FREM2: variants seen among roughly 807,000 people sequenced by gnomAD.
FREM2 encodes FRAS1-related extracellular matrix protein 2.
A neutral mutation model predicts 219.9 loss-of-function variants in FREM2; 119 were observed. The observed-to-expected ratio is 0.54, with a 90% CI of 0.47 to 0.63. The LOEUF is 0.63. Among genes scored for constraint, FREM2 ranks in the 30% least tolerant of loss-of-function variants. FREM2 has a pLI of 0.00. For synonymous variants in FREM2, 1,562 were observed against 1,522.8 expected, an observed-to-expected ratio of 1.03 and a Z score of -0.60; for missense variants, 4,030 against 3,993.6, an observed-to-expected ratio of 1.01 and a Z score of -0.25.
chr13:38,800,652 CAG>C (rs1423079114), intron 6 of FREM2, among the ~76,000 whole-genome samples: 2 of 152,122 alleles, frequency 1.3e-5, no homozygotes, highest in African/African-American at 2.4e-5. Context: ...GTTTTTGAGA[CAG>C]AGTCTCACTT....
intron 6 of FREM2, among the ~76,000 whole-genome samples, chr13:38,816,391 A>G (rs900593949): frequency 1.3e-5 from 2 of 152,224 alleles, no homozygotes; most frequent in Non-Finnish European, 2.9e-5. Context: ...ACTGTGGTCA[A>G]GTGGAGTTTA....
chr13:38,869,080 G>A (rs951847231), intron 16 of FREM2, among the ~76,000 whole-genome samples: 2 of 152,258 alleles, frequency 1.3e-5, no homozygotes, highest in African/African-American at 4.8e-5. Flanking sequence ...CTCAGCTCAA[G>A]GTAATCACTG....
At chr13:38,736,347 G>A (rs114649932) in intron 2 of FREM2, among the ~76,000 whole-genome samples, 38 of 152,234 alleles carry the variant, frequency 2.5e-4, no homozygotes, top group African/African-American at 8.2e-4. Context: ...AGAGGCTTAC[G>A]TATGAAGGGA....
chr13:38,829,476 T>C (rs1454211339), intron 6 of FREM2, among the ~76,000 whole-genome samples: 2 of 152,080 alleles, frequency 1.3e-5, no homozygotes, highest in Non-Finnish European at 2.9e-5. Flanking sequence ...CTATTTATCA[T>C]TATTTCTCAT....
At chr13:38,872,719 T>C (rs754778651) in intron 16 of FREM2, 23 bp from the exon 17 acceptor site, 9 of 1,604,774 alleles carry the variant, frequency 5.6e-6, no homozygotes, top group East Asian at 4.5e-5. Flanking sequence ...GTCATGTTGA[T>C]TGATGTAATT....
In FREM2 at chr13:38,689,877, C is replaced by G; in HGVS notation, c.2533C>G (p.His845Asp). 1 of 1,614,134 alleles carries G rather than the reference C, an allele frequency of 6.2e-7. No individual in the cohort carries two copies. The highest frequency in any genetic ancestry group is 8.5e-7 in the Non-Finnish European group (1 of 1,180,028). Reference sequence around the variant, plus strand: ...CTTCACTATTCAGGAGAAGGGTCACCACATCCTGAGTGAGACAGAGTTGCA... The same window carrying G: ...CTTCACTATTCAGGAGAAGGGTCACGACATCCTGAGTGAGACAGAGTTGCA... Reference protein sequence around the residue: ...TGFTIQEKGHHILSETELHVN... With the variant: ...TGFTIQEKGHDILSETELHVN... Residue 845 changes from histidine to aspartate, a missense_variant, in exon 1 of 24, where the codon CAC becomes GAC. Around this residue, in one of 2 missense-constraint regions of FREM2, gnomAD observed 3,102 missense variants for 2,950.7 expected, o/e 1.05. Transcript: ENST00000280481.
intron 4 of FREM2, among the ~76,000 whole-genome samples, chr13:38,772,546 T>C (rs1313561184): frequency 6.6e-6 from 1 of 152,222 alleles, no homozygotes; most frequent in Non-Finnish European, 1.5e-5. Context: ...TAGCACATTA[T>C]ATACGTTCTC....
chr13:38,752,163 G>A (rs879598757), intron 2 of FREM2, among the ~76,000 whole-genome samples: 16 of 152,052 alleles, frequency 1.1e-4, no homozygotes, highest in South Asian at 6.2e-4. Flanking sequence ...CTTTGTCCCT[G>A]TCTCTGTCTG....
At position 38,729,938 on chromosome 13, in the gene FREM2, T is replaced by C. The variant is rs1030109133; in HGVS notation, c.5263+32151T>C. 7.2e-5 allele frequency among the ~76,000 whole-genome samples: 11 copies of C among 152,322 alleles called. No individual in the cohort carries two copies. In the East Asian group the frequency reaches 1.2e-3, roughly 16 times the overall value. On this transcript the variant is annotated intron_variant, in intron 2 of 23. Coordinates refer to ENST00000280481, the MANE Select transcript of FREM2 (RefSeq NM_207361.6). ...TTTTTAAAAAATAAGACAGAAACAA[T>C]AGTCAGAATAAAGCTACACTCTATG...
At chr13:38,773,675 C>T (rs925194383) in intron 4 of FREM2, among the ~76,000 whole-genome samples, 1 of 152,104 alleles carries the variant, frequency 6.6e-6, no homozygotes, top group Non-Finnish European at 1.5e-5. Context: ...AAGTGGTCCT[C>T]CTTGGCCTCC....
intron 1 of FREM2, among the ~76,000 whole-genome samples, chr13:38,694,395 G>A (rs1427073771): frequency 6.6e-6 from 1 of 152,154 alleles, no homozygotes; most frequent in African/African-American, 2.4e-5. Flanking sequence ...ATTCAAACAA[G>A]TCAAGGCTAG....
intron 2 of FREM2, among the ~76,000 whole-genome samples, chr13:38,741,381 A>G (rs973493677): frequency 1.3e-5 from 2 of 152,222 alleles, no homozygotes; most frequent in African/African-American, 4.8e-5. Context: ...TATATCCAGC[A>G]AGTCACAAAC....
At chr13:38,833,324 G>A (rs906187400) in intron 6 of FREM2, among the ~76,000 whole-genome samples, 2 of 151,856 alleles carry the variant, frequency 1.3e-5, no homozygotes, top group South Asian at 4.2e-4. Flanking sequence ...TGATACATTT[G>A]GGCTTTTTAT....
chr13:38,740,379 T>C (rs1872194632), intron 2 of FREM2, among the ~76,000 whole-genome samples: 1 of 152,200 alleles, frequency 6.6e-6, no homozygotes, highest in Non-Finnish European at 1.5e-5. Flanking sequence ...TTTTTGAACA[T>C]GCACATCTTC....
intron 15 of FREM2, among the ~76,000 whole-genome samples, chr13:38,862,871 T>C (rs1377950886): frequency 6.6e-6 from 1 of 152,232 alleles, no homozygotes. Context: ...TGATAAAGTT[T>C]TGTTGCACAC....
At chr13:38,733,316 T>G (rs1369405894) in intron 2 of FREM2, among the ~76,000 whole-genome samples, 1 of 3,742 alleles carries the variant, frequency 2.7e-4, no homozygotes, top group Non-Finnish European at 8.1e-4. Context: ...AGCCAGTGGT[T>G]TTTTTTTTTT....
At chr13:38,773,282 GTGTC>G (rs1873740923) in intron 4 of FREM2, among the ~76,000 whole-genome samples, 1 of 152,020 alleles carries the variant, frequency 6.6e-6, no homozygotes, top group African/African-American at 2.4e-5. Flanking sequence ...ATGCCTCCAA[GTGTC>G]TGTGGCTCTC....
intron 2 of FREM2, among the ~76,000 whole-genome samples, chr13:38,725,283 T>C (rs1227148341): frequency 2.0e-5 from 3 of 152,202 alleles, no homozygotes; most frequent in Non-Finnish European, 4.4e-5. Flanking sequence ...TCTGCCTTCA[T>C]AATACTTTAC....
chr13:38,689,938 C>T lies in FREM2; in HGVS notation c.2594C>T (p.Ser865Phe). 6.2e-7 allele frequency: 1 copy of T among 1,614,196 alleles called. No homozygotes were observed. The change falls in exon 1 of 24, where the codon TCT becomes TTT. Residue 865 changes from serine to phenylalanine, a missense_variant. Coordinates refer to ENST00000280481, the MANE Select transcript of FREM2 (RefSeq NM_207361.6). ...NDVDTDVAHI[S>F]FTLTQAPKHG... is the part of the protein sequence containing the mutation. ...GTAGACACTGATGTTGCCCATATCT[C>T]TTTCACTCTCACTCAGGCACCCAAA...
Sources: allele counts gnomAD v4.1 joint callset (sites outside exome capture counted in the v4.1 genomes callset), GRCh38; gene constraint gnomAD v4.1.1; regional missense constraint gnomAD v4.1.1; transcripts MANE v1.5; gene names NCBI Gene and HGNC (gene_info 2026-07-23, HGNC 2026-07-21).